The following FANCI variants were observed in gnomAD, a reference collection of about 807,000 sequenced individuals.
FANCI encodes FA complementation group I.
FANCI carries 156 observed loss-of-function variants against 176.1 expected under a neutral mutation model. The observed-to-expected ratio is 0.89, with a 90% confidence interval of 0.78 to 1.01. FANCI has a LOEUF of 1.01. Among genes scored for constraint, FANCI ranks in the 50% least tolerant of loss-of-function variants. FANCI has a pLI of 0.00. For synonymous variants in FANCI, 613 were observed against 541.7 expected, an observed-to-expected ratio of 1.13 and a Z score of -1.83; for missense variants, 1,678 against 1,534.1, an observed-to-expected ratio of 1.09 and a Z score of -1.57.
intron 18 of FANCI, among the ~76,000 whole-genome samples, chr15:89,285,680 T>A: frequency 6.6e-6 from 1 of 152,318 alleles, no homozygotes; most frequent in Non-Finnish European, 1.5e-5. Context: ...TATTTTATTT[T>A]AATTTGAAAT....
intron 22 of FANCI, 148 bp downstream of exon 22, chr15:89,293,211 G>A: frequency 2.3e-6 from 2 of 872,400 alleles, no homozygotes; most frequent in Non-Finnish European, 3.6e-6. Flanking sequence ...ACTAAACTGT[G>A]TTCTTTCCAC....
At chr15:89,266,794 A>G (rs2151338883) in intron 9 of FANCI, among the ~76,000 whole-genome samples, 1 of 152,266 alleles carries the variant, frequency 6.6e-6, no homozygotes, top group Admixed American at 6.5e-5. Context: ...CTTAGATACT[A>G]AATTAGAATA....
intron 11 of FANCI, among the ~76,000 whole-genome samples, 183 bp downstream of exon 11, chr15:89,273,652 A>T (rs1403158528): frequency 6.6e-6 from 1 of 152,078 alleles, no homozygotes; most frequent in African/African-American, 2.4e-5. Context: ...TTGATGGAAA[A>T]CTTTTACAGG....
At chr15:89,263,242 G>A (rs186165145) in intron 6 of FANCI, among the ~76,000 whole-genome samples, 177 bp from the exon 7 acceptor site, 2 of 152,160 alleles carry the variant, frequency 1.3e-5, no homozygotes, top group African/African-American at 2.4e-5. Flanking sequence ...TTGATTTTGC[G>A]AGTCGGGTAG....
chr15:89,302,563 CT>C (rs1166247407), intron 27 of FANCI, among the ~76,000 whole-genome samples: 4 of 151,668 alleles, frequency 2.6e-5, no homozygotes, highest in African/African-American at 9.7e-5. Flanking sequence ...TTCAGGTAGT[CT>C]CTTTAAAAAA....
intron 13 of FANCI, among the ~76,000 whole-genome samples, chr15:89,277,865 C>T (rs906061336): frequency 6.6e-6 from 1 of 151,952 alleles, no homozygotes; most frequent in African/African-American, 2.4e-5. Flanking sequence ...AGCTACACAC[C>T]AAGAGTGTCT....
At chr15:89,265,310 T>A (rs920490991) in intron 9 of FANCI, among the ~76,000 whole-genome samples, 4 of 152,160 alleles carry the variant, frequency 2.6e-5, no homozygotes, top group Admixed American at 2.0e-4. Flanking sequence ...CAGGTTCAAG[T>A]GATTCTCCTG....
chr15:89,314,012 A>C (rs1454943515), intron 35 of FANCI, among the ~76,000 whole-genome samples: 1 of 148,612 alleles, frequency 6.7e-6, no homozygotes, highest in Non-Finnish European at 1.5e-5. Flanking sequence ...CAAATGTAGG[A>C]CCTACAAATT....
intron 1 of FANCI, among the ~76,000 whole-genome samples, chr15:89,246,793 C>T (rs1294331644): frequency 2.4e-5 from 3 of 123,092 alleles, no homozygotes; most frequent in South Asian, 2.6e-4. Context: ...TGAGACAGAG[C>T]CTCGCTCTGT....
At chr15:89,252,060 G>A (rs2052276309) in intron 2 of FANCI, among the ~76,000 whole-genome samples, 1 of 152,214 alleles carries the variant, frequency 6.6e-6, no homozygotes, top group Non-Finnish European at 1.5e-5. Context: ...AACGCTTTGG[G>A]AGGCCAAGGT....
chr15:89,315,900 C>T (rs2055225250), intron 37 of FANCI, among the ~76,000 whole-genome samples: 1 of 152,198 alleles, frequency 6.6e-6, no homozygotes, highest in Non-Finnish European at 1.5e-5. Flanking sequence ...TGTTTCCTTA[C>T]TTCTAGCACC....
At chr15:89,254,291 A>G (rs930864489) in intron 2 of FANCI, among the ~76,000 whole-genome samples, 1 of 152,196 alleles carries the variant, frequency 6.6e-6, no homozygotes, top group Non-Finnish European at 1.5e-5. Context: ...TCCTCACTCA[A>G]GGGAACCAGG....
Position 89,306,100 on chromosome 15 carries a change from T to A in FANCI, c.3443T>A (p.Leu1148Gln). 6.2e-7 allele frequency: 1 copy of A among 1,614,226 alleles called. No individual in the cohort carries two copies. Among genetic ancestry groups the A allele is most frequent in the South Asian group, 1.1e-5 (1 of 91,084 alleles). The change falls in exon 32 of 38, where the codon CTG (leucine) becomes CAG (glutamine). Residue 1148 changes from leucine (L) to glutamine (Q), a missense_variant. Physicochemically the swap from Leu to Gln is moderately radical, Grantham distance 113 (BLOSUM62 -2). This residue lies in a region of FANCI where 1,204 missense variants were observed against 1,077.4 expected (regional missense o/e 1.12). Transcript: ENST00000310775. The stretch of plus-strand genomic sequence containing the variant: ...ACTCTGCTTACATTTTTCCACGAGC[T>A]GGTGCAGACAGCTCTGCCATCAGGC... ...LGTLLTFFHE[L>Q]VQTALPSGSC...
intron 1 of FANCI, chr15:89,245,182 T>TTTTTG (rs2051897067): frequency 6.6e-6 from 1 of 151,262 alleles, no homozygotes; most frequent in African/African-American, 2.5e-5. Flanking sequence ...CTTTTCTTTT[T>TTTTTG]TTTTTGAGAC....
intron 3 of FANCI, among the ~76,000 whole-genome samples, chr15:89,260,235 A>G (rs2052659186): frequency 6.6e-6 from 1 of 152,160 alleles, no homozygotes; most frequent in Admixed American, 6.5e-5. Flanking sequence ...CTAAAAAAAA[A>G]TTTTCAGACT....
rs1208946818 is a variant in FANCI, at chr15:89,263,462, TA to T, written c.545+4del. On this transcript the variant is annotated splice_donor_region_variant and intron_variant, in intron 7 of 37. Transcript: ENST00000310775. ...AATCCAACTCACCTCCATGTTCAAG[TA>T]AGCATCATCTTTTCCCTTTTCTTTG... 1 of 1,611,606 alleles carries T rather than the reference TA, an allele frequency of 6.2e-7. No homozygotes were observed.
At chr15:89,259,352 C>T (rs1267903964) in intron 3 of FANCI, 2 of 154,280 alleles carry the variant, frequency 1.3e-5, no homozygotes, top group African/African-American at 4.8e-5. Context: ...TTTCTTCCCC[C>T]AAGTAAATTA....
At chr15:89,301,589 C>A in intron 27 of FANCI, 147 bp downstream of exon 27, 2 of 737,736 alleles carry the variant, frequency 2.7e-6, no homozygotes, top group Admixed American at 1.9e-5. Context: ...AATATAAGAC[C>A]TATAAGATGT....
In FANCI at chr15:89,303,884, G is replaced by A; in HGVS notation, c.3027G>A (p.Trp1009Ter). 1.2e-6 allele frequency: 2 copies of A among 1,613,974 alleles called. No individual in the cohort carries two copies. Among genetic ancestry groups the A allele is most frequent in the Non-Finnish European group, 1.7e-6 (2 of 1,179,918 alleles). The change falls in exon 28 of 38, where the codon TGG becomes TGA. Residue 1009 changes from tryptophan (W) to a stop codon, truncating the protein, a stop_gained. Coordinates refer to ENST00000310775, the MANE Select transcript of FANCI (RefSeq NM_001113378.2). LOFTEE classifies it high-confidence loss of function. The part of the protein sequence containing the change: ...SSPQFVQMLS[W>*]TSKICKENSR... ...TTTAGTTTGTGCAGATGTTATCCTG[G>A]ACATCAAAGATTTGCAAGGAAAACA...
Sources: allele counts gnomAD v4.1 joint callset (sites outside exome capture counted in the v4.1 genomes callset), GRCh38; gene constraint gnomAD v4.1.1; regional missense constraint gnomAD v4.1.1; transcripts MANE v1.5; gene names NCBI Gene and HGNC (gene_info 2026-07-23, HGNC 2026-07-21).